Variants in TIAM1 observed in about 807,000 individuals in gnomAD.
TIAM1 encodes the protein rho guanine nucleotide exchange factor TIAM1.
Under a neutral mutation model 163.5 loss-of-function variants are expected in TIAM1, and 65 were observed. The observed-to-expected ratio is 0.40, with a 90% CI of 0.33 to 0.49. The LOEUF (loss-of-function observed/expected upper bound fraction) is 0.49, where lower values mean the gene tolerates loss of function less well. Among genes scored for constraint, TIAM1 ranks in the 20% least tolerant of loss-of-function variants. The pLI is 0.77. For missense variants in TIAM1, 1,789 were observed against 2,044.7 expected (o/e 0.87, Z 2.41); for synonymous variants, 833 against 810.1 (o/e 1.03, Z -0.48).
chr21:31,412,174 A>G (rs1471352742), intron 2 of TIAM1, among the ~76,000 whole-genome samples: 2 of 152,212 alleles, frequency 1.3e-5, no homozygotes, highest in African/African-American at 2.4e-5. Flanking sequence ...TAAGTCAGAC[A>G]CAGAAAGACA....
intron 1 of TIAM1, among the ~76,000 whole-genome samples, chr21:31,478,021 A>G (rs1261469957): frequency 6.6e-6 from 1 of 152,224 alleles, no homozygotes; most frequent in Non-Finnish European, 1.5e-5. Flanking sequence ...TAGGCAGTGC[A>G]TGCGCACAGG....
chr21:31,489,057 A>G (rs2046368460), intron 1 of TIAM1, among the ~76,000 whole-genome samples: 2 of 151,676 alleles, frequency 1.3e-5, no homozygotes. Context: ...CGTCAGCACC[A>G]GCCAACTAAA....
At chr21:31,472,486 C>T (rs2045780552) in intron 1 of TIAM1, among the ~76,000 whole-genome samples, 1 of 152,130 alleles carries the variant, frequency 6.6e-6, no homozygotes, top group South Asian at 2.1e-4. Flanking sequence ...GAGATCGTGC[C>T]ACTGCACTCC....
intron 2 of TIAM1, among the ~76,000 whole-genome samples, chr21:31,320,882 C>T (rs1367812599): frequency 6.6e-6 from 1 of 152,106 alleles, no homozygotes; most frequent in Non-Finnish European, 1.5e-5. Context: ...ATCCCAGCTA[C>T]TTGAGAGGCT....
intron 2 of TIAM1, among the ~76,000 whole-genome samples, chr21:31,385,870 T>C (rs1268697513): frequency 1.1e-5 from 1 of 91,258 alleles, no homozygotes; most frequent in Non-Finnish European, 2.3e-5. Flanking sequence ...GATTATATAT[T>C]AATTATATTA....
Position 31,120,750 on chromosome 21 carries a change from C to T in TIAM1, c.4394G>A (p.Ser1465Asn). The change falls in exon 28 of 28, where the codon AGC becomes AAC. Residue 1465 changes from serine (S) to asparagine (N), a missense_variant. By Grantham distance (46) the Ser-to-Asn change is conservative. Around this residue, in one of 5 missense-constraint regions of TIAM1, gnomAD observed 415 missense variants for 439.2 expected, o/e 0.94. Coordinates refer to ENST00000541036, the MANE Select transcript of TIAM1 (RefSeq NM_001353694.2). This position sits in a 1 kb window ranked among gnomAD's most constrained non-coding sequence, Gnocchi z 4.2. The stretch of plus-strand genomic sequence containing the variant: ...CTGCTGGGACTCTTTCTCCGGGCTG[C>T]TTGCGGAGACGGCATCAGAATCAAT... The part of the protein sequence containing the change: ...FTIDSDAVSA[S>N]SPEKESQQPP... The T allele has an allele frequency of 6.2e-7, 1 of 1,614,112 alleles. No individual in the cohort carries two copies. The highest frequency in any genetic ancestry group is 8.5e-7 in the Non-Finnish European group (1 of 1,180,026).
chr21:31,286,583 T>A (rs1163964145), intron 2 of TIAM1, among the ~76,000 whole-genome samples: 1 of 151,956 alleles, frequency 6.6e-6, no homozygotes, highest in Non-Finnish European at 1.5e-5. Flanking sequence ...TGTGGTGGCA[T>A]GCACCTGTAG....
chr21:31,417,424 A>G (rs971709267), intron 2 of TIAM1, among the ~76,000 whole-genome samples: 5 of 152,196 alleles, frequency 3.3e-5, no homozygotes, highest in Non-Finnish European at 5.9e-5. Context: ...CACGCCTTAC[A>G]TGGTGGCAGG....
At chr21:31,518,383 G>A (rs548421555) in intron 1 of TIAM1, among the ~76,000 whole-genome samples, 11 of 152,212 alleles carry the variant, frequency 7.2e-5, no homozygotes, top group African/African-American at 2.6e-4. Context: ...CACCTCCCGG[G>A]TTCAAGTGAT....
intron 2 of TIAM1, among the ~76,000 whole-genome samples, chr21:31,350,009 T>TA (rs1403662547): frequency 1.3e-5 from 2 of 152,250 alleles, no homozygotes; most frequent in African/African-American, 4.8e-5. Flanking sequence ...CCCTGTTTCT[T>TA]AAACGATCTT....
chr21:31,186,916 T>C (rs2085332179), intron 14 of TIAM1, 85 bp downstream of exon 14: 1 of 1,112,930 alleles, frequency 9.0e-7, no homozygotes, highest in Non-Finnish European at 1.4e-6. Flanking sequence ...AATGAATCCT[T>C]TGGGCATATC....
chr21:31,464,556 AT>A (rs2147357030), intron 1 of TIAM1, among the ~76,000 whole-genome samples: 1 of 152,208 alleles, frequency 6.6e-6, no homozygotes, highest in Admixed American at 6.5e-5. Context: ...AAAAATAAAA[AT>A]ACAGGCCGGG....
At chr21:31,241,774 A>C (rs1293268882) in intron 6 of TIAM1, among the ~76,000 whole-genome samples, 1 of 152,254 alleles carries the variant, frequency 6.6e-6, no homozygotes, top group Non-Finnish European at 1.5e-5. Context: ...TGGGAGACCA[A>C]AATGGGAAGA....
At chr21:31,268,735 A>G (rs2072911672) in intron 3 of TIAM1, among the ~76,000 whole-genome samples, 1 of 152,236 alleles carries the variant, frequency 6.6e-6, no homozygotes, top group Non-Finnish European at 1.5e-5. Flanking sequence ...GAAAAGATCA[A>G]CGGTCTGTGC....
At chr21:31,226,271 T>C (rs1031164425) in intron 6 of TIAM1, among the ~76,000 whole-genome samples, 3 of 151,926 alleles carry the variant, frequency 2.0e-5, no homozygotes, top group African/African-American at 7.3e-5. Flanking sequence ...CTCACGAGGG[T>C]TGCTGTGAAG....
intron 2 of TIAM1, among the ~76,000 whole-genome samples, chr21:31,287,029 T>A (rs932646780): frequency 6.6e-6 from 1 of 152,352 alleles, no homozygotes; most frequent in South Asian, 2.1e-4. Context: ...AGCTCTAACA[T>A]GTAAAAACAT....
chr21:31,260,285 T>G (rs865965880), intron 4 of TIAM1, among the ~76,000 whole-genome samples: 1 of 150,634 alleles, frequency 6.6e-6, no homozygotes, highest in Non-Finnish European at 1.5e-5. Flanking sequence ...TCGCCCAGGC[T>G]GGAATGCAGT....
intron 19 of TIAM1, among the ~76,000 whole-genome samples, chr21:31,151,900 G>A (rs1253066325): frequency 6.6e-6 from 1 of 152,110 alleles, no homozygotes; most frequent in Non-Finnish European, 1.5e-5. Flanking sequence ...ATCCTCATTA[G>A]GCTGCAAGGA....
At chr21:31,536,452 C>T (rs2048137639) in intron 1 of TIAM1, among the ~76,000 whole-genome samples, 1 of 152,170 alleles carries the variant, frequency 6.6e-6, no homozygotes, top group African/African-American at 2.4e-5. Context: ...CCAAAGGTCA[C>T]CTAAATGCAG....
Sources: allele counts gnomAD v4.1 joint callset (sites outside exome capture counted in the v4.1 genomes callset), GRCh38; gene constraint gnomAD v4.1.1; regional missense constraint gnomAD v4.1.1; non-coding constraint Gnocchi (gnomAD v3.1); transcripts MANE v1.5; gene names NCBI Gene and HGNC (gene_info 2026-07-23, HGNC 2026-07-21).